ATAD1: variants seen among roughly 807,000 people sequenced by gnomAD.
ATAD1 encodes outer mitochondrial transmembrane helix translocase.
ATAD1 carries 18 observed loss-of-function variants against 42.7 expected under a neutral mutation model. The observed-to-expected ratio is 0.42, with a 90% CI of 0.29 to 0.63. The LOEUF is 0.63. ATAD1 is among the 20% of genes least tolerant of loss of function. The pLI, the probability that ATAD1 is intolerant of heterozygous loss-of-function variation, is 0.19. For missense variants in ATAD1, 294 were observed against 440.4 expected, an observed-to-expected ratio of 0.67 and a Z score of 2.98; for synonymous variants, 132 against 143.1, an observed-to-expected ratio of 0.92 and a Z score of 0.55.
chr10:87,778,719 G>A (rs1304797808), intron 5 of ATAD1, among the ~76,000 whole-genome samples: 1 of 151,958 alleles, frequency 6.6e-6, no homozygotes, highest in Non-Finnish European at 1.5e-5. Flanking sequence ...GATTACAGAT[G>A]TTCAATCTGT....
intron 8 of ATAD1, among the ~76,000 whole-genome samples, chr10:87,763,846 C>A (rs1409784367): frequency 1.3e-5 from 2 of 152,072 alleles, no homozygotes; most frequent in Non-Finnish European, 1.5e-5. Context: ...ACATATATGC[C>A]TTTGGGCAGA....
chr10:87,794,740 C>G (rs1856299492), intron 2 of ATAD1, among the ~76,000 whole-genome samples: 1 of 152,190 alleles, frequency 6.6e-6, no homozygotes. Context: ...AAATTTTACT[C>G]TATGCCTAAA....
chr10:87,778,178 TAAAA>T (rs377243162), intron 5 of ATAD1, among the ~76,000 whole-genome samples: 1 of 88,762 alleles, frequency 1.1e-5, no homozygotes, highest in Non-Finnish European at 2.3e-5. Context: ...TAGAATAAAT[TAAAA>T]AAAAAAAAAA....
At chr10:87,780,059 C>G (rs930962649) in intron 5 of ATAD1, among the ~76,000 whole-genome samples, 3 of 152,156 alleles carry the variant, frequency 2.0e-5, no homozygotes, top group African/African-American at 7.2e-5. Context: ...TTGCCCAAAA[C>G]AAGGTGTCAT....
intron 5 of ATAD1, among the ~76,000 whole-genome samples, chr10:87,781,583 A>G (rs908974730): frequency 6.6e-6 from 1 of 152,224 alleles, no homozygotes; most frequent in Non-Finnish European, 1.5e-5. Context: ...CTTAGAATTG[A>G]TGAAATACTG....
chr10:87,795,591 AT>A (rs948872685), intron 2 of ATAD1, among the ~76,000 whole-genome samples: 4 of 151,526 alleles, frequency 2.6e-5, no homozygotes, highest in Non-Finnish European at 4.4e-5. Context: ...GTATACCCAT[AT>A]TTTTTTGACT....
chr10:87,782,604 A>C (rs1025981858), intron 5 of ATAD1, among the ~76,000 whole-genome samples: 1 of 152,246 alleles, frequency 6.6e-6, no homozygotes, highest in African/African-American at 2.4e-5. Context: ...TTGATATTCT[A>C]AACGTTTCAC....
At chr10:87,839,711 C>T (rs895542319) in intron 1 of ATAD1, among the ~76,000 whole-genome samples, 4 of 152,086 alleles carry the variant, frequency 2.6e-5, no homozygotes, top group African/African-American at 9.7e-5. Context: ...TTCTTCCCCC[C>T]CGCCGCCCCC....
chr10:87,807,599 T>G (rs1856985479), intron 2 of ATAD1, among the ~76,000 whole-genome samples: 1 of 152,206 alleles, frequency 6.6e-6, no homozygotes. Context: ...TTTTTTAATG[T>G]GTCTATTTAA....
At chr10:87,799,675 A>G (rs12765681) in intron 2 of ATAD1, among the ~76,000 whole-genome samples, 44,602 of 152,014 alleles carry the variant, frequency 0.29, 6,753 homozygotes, top group Non-Finnish European at 0.31. Flanking sequence ...AACAATTAAA[A>G]TAATTAGGTA....
intron 1 of ATAD1, among the ~76,000 whole-genome samples, chr10:87,824,785 G>A (rs370492900): frequency 6.6e-6 from 1 of 152,200 alleles, no homozygotes; most frequent in African/African-American, 2.4e-5. Flanking sequence ...TGAAGAGGCT[G>A]TGCCTCTCTG....
Position 87,752,553 on chromosome 10 carries a change from A to G in ATAD1, c.*2134T>C, listed in dbSNP as rs962296102. The G allele has an allele frequency of 6.6e-6, 1 of 151,832 alleles. No individual in the cohort carries two copies. The highest frequency in any genetic ancestry group is 1.5e-5 in the Non-Finnish European group (1 of 67,922). 9.4% of individuals were successfully genotyped at this position (151,832 alleles called of 1,614,324 possible). ...AAACTGGGCTCACAGACACACAGTT[A>G]ATGGGGAGCCTGAGTTTAAATTCAG... On this transcript the variant is annotated 3_prime_UTR_variant, in exon 10 of 10. Transcript: ENST00000680024.
At chr10:87,777,007 T>G (rs1345238514) in intron 5 of ATAD1, among the ~76,000 whole-genome samples, 1 of 152,234 alleles carries the variant, frequency 6.6e-6, no homozygotes, top group African/African-American at 2.4e-5. Flanking sequence ...AAAATTGGGC[T>G]ATGTGTTTTA....
intron 8 of ATAD1, among the ~76,000 whole-genome samples, chr10:87,767,334 G>A (rs558220117): frequency 6.6e-6 from 1 of 152,214 alleles, no homozygotes; most frequent in Non-Finnish European, 1.5e-5. Flanking sequence ...GAGGAGGGGG[G>A]CATAGTTTGG....
intron 2 of ATAD1, among the ~76,000 whole-genome samples, chr10:87,797,382 A>T (rs893366044): frequency 1.1e-4 from 16 of 151,752 alleles, no homozygotes; most frequent in Non-Finnish European, 1.9e-4. Context: ...TTACTGTCTT[A>T]AAAAAACAAA....
chr10:87,815,248 T>C (rs576258127), intron 1 of ATAD1, among the ~76,000 whole-genome samples: 1 of 152,040 alleles, frequency 6.6e-6, no homozygotes, highest in Non-Finnish European at 1.5e-5. Flanking sequence ...AGACAACTAC[T>C]ACAAGAATAC....
chr10:87,758,267 T>TA (rs1854317074), intron 8 of ATAD1, among the ~76,000 whole-genome samples: 1 of 151,966 alleles, frequency 6.6e-6, no homozygotes. Context: ...TCAAAATACA[T>TA]AGGTACCACT....
intron 4 of ATAD1, among the ~76,000 whole-genome samples, chr10:87,785,585 A>G (rs1564756730): frequency 6.6e-6 from 1 of 150,948 alleles, no homozygotes; most frequent in East Asian, 1.9e-4. Flanking sequence ...AGTATTTTTT[A>G]AAATGCCATC....
intron 1 of ATAD1, 98 bp from the exon 2 acceptor site, chr10:87,814,710 T>G: frequency 1.1e-6 from 1 of 923,350 alleles, no homozygotes; most frequent in Non-Finnish European, 1.4e-6. Context: ...AAAACTAACT[T>G]CTAGTCAAAT....
Sources: gnomAD v4.1 joint callset for allele counts (sites outside exome capture counted in the v4.1 genomes callset) on GRCh38, gnomAD v4.1.1 for gene constraint, MANE v1.5 for transcripts, NCBI Gene and HGNC (gene_info 2026-07-23, HGNC 2026-07-21) for gene names.